MEF2C: variants seen among roughly 807,000 people sequenced by gnomAD.
The protein encoded by MEF2C is myocyte enhancer factor 2C.
MEF2C carries 6 observed loss-of-function variants against 50.5 expected under a neutral mutation model. That is an observed-to-expected ratio of 0.12 (90% confidence interval 0.07 to 0.23). The LOEUF is 0.23. Among genes scored for constraint, MEF2C ranks in the 10% least tolerant of loss-of-function variants. The pLI is 1.00. For missense variants in MEF2C, 276 were observed against 605.0 expected (o/e 0.46, Z 5.70); for synonymous variants, 183 against 228.0 (o/e 0.80, Z 1.78).
At chr5:88,771,185 T>C (rs1782251402) in intron 3 of MEF2C, among the ~76,000 whole-genome samples, 1 of 152,200 alleles carries the variant, frequency 6.6e-6, no homozygotes, top group East Asian at 1.9e-4. Context: ...CCATGACATG[T>C]GGGGACTGTA....
chr5:88,886,786 A>G (rs1286706439), upstream of MEF2C, among the ~76,000 whole-genome samples: 1 of 152,206 alleles, frequency 6.6e-6, no homozygotes, highest in Non-Finnish European at 1.5e-5. Context: ...AATATATTTA[A>G]TTAAAGTGTC....
chr5:88,899,053 A>G (rs1835382559), intron 1 of MEF2C, among the ~76,000 whole-genome samples: 1 of 152,312 alleles, frequency 6.6e-6, no homozygotes, highest in South Asian at 2.1e-4. Flanking sequence ...AAAATTAAAA[A>G]TATTAAATGA....
At chr5:88,837,399 T>G (rs934378030) in intron 1 of MEF2C, among the ~76,000 whole-genome samples, 1 of 152,164 alleles carries the variant, frequency 6.6e-6, no homozygotes. Flanking sequence ...TATTTTGCCA[T>G]TAAAGAGTGC....
rs1003078641 is a variant in MEF2C, at chr5:88,727,758, G to C, written c.1100+735C>G. On this transcript the variant is annotated intron_variant, in intron 10 of 10. Transcript: ENST00000504921. ...ATTTACAGTCAGGCTTTCAGTTAAC[G>C]TTTTAAGCTTTTTTAAAAAAATGAT... Among the ~76,000 whole-genome samples, 3 of 151,892 alleles carry C rather than the reference G, an allele frequency of 2.0e-5. No individual in the cohort carries two copies. The East Asian group carries it at 5.8e-4, about 29-fold the overall frequency.
chr5:88,864,960 G>T (rs778687957), intron 1 of MEF2C, among the ~76,000 whole-genome samples: 112 of 151,964 alleles, frequency 7.4e-4, no homozygotes, highest in Non-Finnish European at 1.2e-3. Flanking sequence ...TACAGACGGG[G>T]TTTCTCCAGG....
intron 1 of MEF2C, among the ~76,000 whole-genome samples, chr5:88,838,115 C>G (rs577033351): frequency 6.6e-6 from 1 of 152,304 alleles, no homozygotes; most frequent in Admixed American, 6.5e-5. Context: ...GAATCACATA[C>G]TCTGTTACTT....
intron 1 of MEF2C, among the ~76,000 whole-genome samples, chr5:88,866,791 C>T (rs1315800365): frequency 1.3e-5 from 2 of 152,052 alleles, no homozygotes; most frequent in Non-Finnish European, 2.9e-5. Context: ...TAAAGGTGTT[C>T]TTGAAGTTGA....
intron 6 of MEF2C, chr5:88,736,752 C>T (rs1764293403): frequency 1.0e-5 from 10 of 985,228 alleles, no homozygotes; most frequent in Non-Finnish European, 1.1e-5. Context: ...GAGTCAGTGC[C>T]CTGCCTGGCT....
intron 2 of MEF2C, among the ~76,000 whole-genome samples, chr5:88,807,539 TTAAATA>T (rs1801018325): frequency 1.3e-5 from 2 of 152,200 alleles, no homozygotes; most frequent in Admixed American, 1.3e-4. Context: ...TCGCCTCACT[TTAAATA>T]AAGTTCTTTG....
intron 6 of MEF2C, chr5:88,748,258 A>AT (rs772316979): frequency 2.2e-4 from 202 of 916,600 alleles, no homozygotes; most frequent in Non-Finnish European, 2.4e-4. Flanking sequence ...AATAAACTTG[A>AT]TTTTTTTTGA....
chr5:88,896,727 G>T (rs889870953), intron 1 of MEF2C, among the ~76,000 whole-genome samples: 10 of 152,136 alleles, frequency 6.6e-5, no homozygotes, highest in African/African-American at 2.2e-4. Context: ...CACTACTAAA[G>T]TAAGAAACAT....
chr5:88,863,176 C>T (rs956168591), intron 1 of MEF2C, among the ~76,000 whole-genome samples: 11 of 152,294 alleles, frequency 7.2e-5, no homozygotes, highest in Middle Eastern at 3.4e-3. Flanking sequence ...ATCAATTAAG[C>T]GTTTACCTCA....
At chr5:88,829,721 G>A (rs746806462) in intron 1 of MEF2C, among the ~76,000 whole-genome samples, 1 of 152,060 alleles carries the variant, frequency 6.6e-6, no homozygotes, top group Non-Finnish European at 1.5e-5. Context: ...AGAATTGGAA[G>A]TTAAATGGAT....
chr5:88,741,865 T>C, intron 6 of MEF2C: 1 of 985,352 alleles, frequency 1.0e-6, no homozygotes, highest in Non-Finnish European at 1.2e-6. Flanking sequence ...ATAAACACAG[T>C]GAACACTTAG....
intron 2 of MEF2C, among the ~76,000 whole-genome samples, chr5:88,808,721 A>G (rs933664398): frequency 1.3e-5 from 2 of 152,104 alleles, no homozygotes; most frequent in African/African-American, 4.8e-5. Context: ...CTCATTGTTC[A>G]TAGTTAGATA....
At chr5:88,845,537 A>G (rs1247801419) in intron 1 of MEF2C, among the ~76,000 whole-genome samples, 2 of 152,114 alleles carry the variant, frequency 1.3e-5, no homozygotes, top group African/African-American at 4.8e-5. Flanking sequence ...CACTTTCACT[A>G]TTTGTCATGA....
chr5:88,728,380 ATAAAG>A lies in MEF2C; in HGVS notation c.1100+108_1100+112del, dbSNP rs1411586377. 25 of 872,296 alleles carry A rather than the reference ATAAAG, an allele frequency of 2.9e-5. No homozygotes were observed. In the African/African-American group the frequency reaches 3.5e-4, roughly 12 times the overall value. 54.0% of individuals were successfully genotyped at this position (872,296 alleles called of 1,614,324 possible). ...ATCTGAAAATTACACTTGGATTTCA[ATAAAG>A]TAGAGTTTTATACCCGTTAATGGGA... On this transcript the variant is annotated intron_variant, in intron 10 of 10. Transcript: ENST00000504921.
chr5:88,860,546 C>A (rs1214050368), intron 1 of MEF2C, among the ~76,000 whole-genome samples: 2 of 152,006 alleles, frequency 1.3e-5, no homozygotes, highest in Non-Finnish European at 2.9e-5. Context: ...TTCAGACAGT[C>A]TTAGGTTATG....
At chr5:88,734,186 G>C in intron 6 of MEF2C, 1 of 985,098 alleles carries the variant, frequency 1.0e-6, no homozygotes, top group African/African-American at 1.7e-5. Flanking sequence ...GGGATAAAAA[G>C]AGAATAAGAA....
Sources: gnomAD v4.1 joint callset for allele counts (sites outside exome capture counted in the v4.1 genomes callset) on GRCh38, gnomAD v4.1.1 for gene constraint, MANE v1.5 for transcripts, NCBI Gene and HGNC (gene_info 2026-07-23, HGNC 2026-07-21) for gene names.